Variants in S100Z observed in about 807,000 individuals in gnomAD.
The protein encoded by S100Z is S100 calcium binding protein Z.
S100Z carries 11 observed loss-of-function variants against 8.5 expected under a neutral mutation model. The observed-to-expected ratio is 1.30, with a 90% CI of 0.82 to 2.15. S100Z has a LOEUF of 2.15. S100Z is among the 30% of genes most tolerant of loss of function. The pLI is 0.00. For synonymous variants in S100Z, 34 were observed against 43.8 expected (o/e 0.78, Z 0.89); for missense variants, 126 against 117.9 (o/e 1.07, Z -0.32).
At chr5:76,852,356 G>C (rs950670399) in intron 1 of S100Z, among the ~76,000 whole-genome samples, 1 of 152,148 alleles carries the variant, frequency 6.6e-6, no homozygotes, top group South Asian at 2.1e-4. Flanking sequence ...GTGGAAGCAG[G>C]CTGATGCTCC....
chr5:76,914,619 GTCTGCAGCTTCAC>G lies in S100Z; in HGVS notation c.*3-6095_*3-6083del, dbSNP rs1744792165. Among the ~76,000 whole-genome samples the G allele has an allele frequency of 5.3e-5, 8 of 152,168 alleles. No homozygotes were observed. In the South Asian group the frequency reaches 1.7e-3, roughly 32 times the overall value. On this transcript the variant is annotated intron_variant, in intron 4 of 4. Transcript: ENST00000317593. ...ATGAGTTGTCACACTTACCGTGAAG[GTCTGCAGCTTCAC>G]TCCTGAAGCCACTGAGACCATGGAC...
intron 2 of S100Z, among the ~76,000 whole-genome samples, chr5:76,871,610 C>G (rs1374159740): frequency 3.3e-5 from 5 of 151,450 alleles, no homozygotes; most frequent in Non-Finnish European, 7.4e-5. Context: ...GCAACCTCCA[C>G]CTCCCAAGTT....
intron 1 of S100Z, among the ~76,000 whole-genome samples, chr5:76,853,394 A>G (rs1194106049): frequency 6.6e-6 from 1 of 152,220 alleles, no homozygotes; most frequent in Non-Finnish European, 1.5e-5. Context: ...CAACTTTTAT[A>G]GTAAGAGATA....
At chr5:76,943,930 A>AT in the S100Z span, among the ~76,000 whole-genome samples, 1 of 21,138 alleles carries the variant, frequency 4.7e-5, no homozygotes, top group Non-Finnish European at 1.2e-4. Context: ...AAACTTTGAC[A>AT]TTTTTTTCAG....
In S100Z at chr5:76,919,455, C is replaced by A. The variant is rs186662129; in HGVS notation, c.*3-1262C>A. 7.9e-5 allele frequency among the ~76,000 whole-genome samples: 12 copies of A among 152,214 alleles called. No individual in the cohort carries two copies. The East Asian group carries it at 2.1e-3, about 27-fold the overall frequency. ...CCTAATGACATATTTTGTGGAGGAT[C>A]TTTTTATATACTTGCCATCTTTGTA... On this transcript the variant is annotated intron_variant, in intron 4 of 4. Coordinates refer to ENST00000317593, the MANE Select transcript of S100Z (RefSeq NM_130772.4).
chr5:76,907,650 GTTC>G (rs1356787223), intron 4 of S100Z, among the ~76,000 whole-genome samples: 2 of 151,976 alleles, frequency 1.3e-5, no homozygotes, highest in African/African-American at 2.4e-5. Context: ...TTAAAATTTT[GTTC>G]TTCTTTTTCA....
chr5:76,936,903 T>C, the S100Z span, among the ~76,000 whole-genome samples: 4 of 152,106 alleles, frequency 2.6e-5, no homozygotes, highest in Non-Finnish European at 5.9e-5. Context: ...CAAGAGACGG[T>C]CTCTCCTTCG....
intron 4 of S100Z, among the ~76,000 whole-genome samples, chr5:76,905,402 T>C (rs1580054906): frequency 1.3e-5 from 2 of 152,124 alleles, no homozygotes; most frequent in East Asian, 3.9e-4. Flanking sequence ...TTTGAGTTTA[T>C]TTTTATTTAT....
chr5:76,877,210 A>G lies in S100Z; in HGVS notation c.142-464A>G, dbSNP rs986421969. On this transcript the variant is annotated intron_variant, in intron 3 of 4. Transcript: ENST00000317593. ...CTAAGCACTTTCAAAAGTGTGATGA[A>G]GTATCCCTGAAATGTGTGGATAGAA... Among the ~76,000 whole-genome samples, 4 of 152,300 alleles carry G rather than the reference A, an allele frequency of 2.6e-5. No individual in the cohort carries two copies. The South Asian group carries it at 6.2e-4, about 24-fold the overall frequency.
chr5:76,863,764 T>C (rs1236469427), intron 1 of S100Z, among the ~76,000 whole-genome samples: 3 of 152,124 alleles, frequency 2.0e-5, no homozygotes, highest in Admixed American at 6.5e-5. Flanking sequence ...GGTCTCGATC[T>C]CCTGACCTTG....
chr5:76,939,469 A>G, the S100Z span, among the ~76,000 whole-genome samples: 7 of 148,838 alleles, frequency 4.7e-5, no homozygotes, highest in East Asian at 1.2e-3. Flanking sequence ...GCAAATTTTT[A>G]TATATCATAT....
the S100Z span, among the ~76,000 whole-genome samples, chr5:76,950,087 CTT>C: frequency 1.3e-5 from 2 of 152,060 alleles, no homozygotes; most frequent in African/African-American, 4.8e-5. Context: ...ATTCAGTAGT[CTT>C]TATTTCTTAA....
chr5:76,900,848 G>A (rs952630930), intron 4 of S100Z, among the ~76,000 whole-genome samples: 4 of 152,098 alleles, frequency 2.6e-5, no homozygotes, highest in Non-Finnish European at 4.4e-5. Flanking sequence ...TTCACTGTCT[G>A]GGCTTATTTG....
At chr5:76,919,352 G>A (rs1744960685) in intron 4 of S100Z, among the ~76,000 whole-genome samples, 1 of 152,254 alleles carries the variant, frequency 6.6e-6, no homozygotes, top group East Asian at 1.9e-4. Flanking sequence ...GGCAGCATTT[G>A]GTGTTATCAG....
Position 76,907,464 on chromosome 5 carries a change from C to T in S100Z, c.*3-13253C>T, listed in dbSNP as rs191927789. 1.8e-4 allele frequency among the ~76,000 whole-genome samples: 28 copies of T among 152,050 alleles called. No individual in the cohort carries two copies. The East Asian group carries it at 2.9e-3, about 16-fold the overall frequency. ...GACTACAGGGGCCCGCCACCATGCCCGGCTAATTTTTTGTATTTTTAGTAG... is the reference window on the plus strand; with the variant it reads ...GACTACAGGGGCCCGCCACCATGCCTGGCTAATTTTTTGTATTTTTAGTAG... On this transcript the variant is annotated intron_variant, in intron 4 of 4. Coordinates refer to ENST00000317593, the MANE Select transcript of S100Z (RefSeq NM_130772.4).
At chr5:76,865,103 G>C (rs913285214) in intron 1 of S100Z, among the ~76,000 whole-genome samples, 12 of 152,154 alleles carry the variant, frequency 7.9e-5, no homozygotes, top group African/African-American at 2.7e-4. Flanking sequence ...AGAAGGCGTT[G>C]TTATCACAGA....
intron 1 of S100Z, among the ~76,000 whole-genome samples, chr5:76,861,192 C>G (rs746018943): frequency 1.1e-4 from 17 of 152,140 alleles, no homozygotes; most frequent in Admixed American, 3.3e-4. Context: ...TGGTTCATTG[C>G]GTGCCTGGTC....
At chr5:76,916,123 T>A (rs1398497871) in intron 4 of S100Z, among the ~76,000 whole-genome samples, 1 of 143,446 alleles carries the variant, frequency 7.0e-6, no homozygotes, top group Non-Finnish European at 1.5e-5. Context: ...ATTGTGCCAC[T>A]GCACTCCAGC....
chr5:76,937,672 G>A, the S100Z span, among the ~76,000 whole-genome samples: 1 of 146,442 alleles, frequency 6.8e-6, no homozygotes, highest in Admixed American at 7.3e-5. Context: ...AGGGTTGCTT[G>A]AGCCCAGGAG....
Sources: allele counts gnomAD v4.1 joint callset (sites outside exome capture counted in the v4.1 genomes callset), GRCh38; gene constraint gnomAD v4.1.1; transcripts MANE v1.5; gene names NCBI Gene and HGNC (gene_info 2026-07-23, HGNC 2026-07-21).